The following AOPEP variants were observed in gnomAD, a reference collection of about 807,000 sequenced individuals.
The protein encoded by AOPEP is aminopeptidase O.
A neutral mutation model predicts 98.1 loss-of-function variants in AOPEP; 77 were observed. The ratio of observed to expected loss-of-function variants is 0.78; its 90% CI spans 0.65 to 0.95. The LOEUF (loss-of-function observed/expected upper bound fraction) is 0.95, where lower values mean the gene tolerates loss of function less well. Among genes scored for constraint, AOPEP ranks in the 40% least tolerant of loss-of-function variants. The pLI is 0.00. For synonymous variants in AOPEP, 346 were observed against 365.3 expected (o/e 0.95, Z 0.60); for missense variants, 1,024 against 1,024.7 (o/e 1.00, Z 0.01).
At chr9:94,927,498 G>A (rs966995748) in intron 6 of AOPEP, among the ~76,000 whole-genome samples, 2 of 152,090 alleles carry the variant, frequency 1.3e-5, no homozygotes, top group Admixed American at 6.5e-5. Flanking sequence ...CTGGCCCGAC[G>A]TGCCTTGCAA....
At chr9:94,906,572 G>A (rs915830391) in intron 5 of AOPEP, among the ~76,000 whole-genome samples, 1 of 152,044 alleles carries the variant, frequency 6.6e-6, no homozygotes, top group African/African-American at 2.4e-5. Context: ...GGATGCTGAG[G>A]TAGGAGGATT....
At chr9:95,131,482 C>G in the AOPEP span, among the ~76,000 whole-genome samples, 2 of 152,204 alleles carry the variant, frequency 1.3e-5, no homozygotes, top group Non-Finnish European at 2.9e-5. Context: ...CAAGGAAACT[C>G]GCAACGTGGG....
intron 1 of AOPEP, among the ~76,000 whole-genome samples, chr9:94,746,920 G>T (rs1178133952): frequency 6.6e-6 from 1 of 152,056 alleles, no homozygotes; most frequent in Non-Finnish European, 1.5e-5. Context: ...AGCCACAACT[G>T]ACAGTGATTT....
At chr9:95,100,699 C>T in the AOPEP span, 13 of 228,378 alleles carry the variant, frequency 5.7e-5, no homozygotes, top group African/African-American at 1.8e-4. Flanking sequence ...GTCATGATCT[C>T]GGCTCACTAC....
At chr9:94,757,539 A>G (rs968975965) in intron 1 of AOPEP, among the ~76,000 whole-genome samples, 3 of 152,240 alleles carry the variant, frequency 2.0e-5, no homozygotes, top group African/African-American at 7.2e-5. Context: ...CACCAGAAAC[A>G]AAAGTGGTGA....
chr9:94,834,153 C>T (rs772863955), intron 5 of AOPEP, among the ~76,000 whole-genome samples: 4 of 152,120 alleles, frequency 2.6e-5, no homozygotes, highest in Non-Finnish European at 5.9e-5. Flanking sequence ...TATCTGCTTA[C>T]CAATTTACAG....
chr9:94,986,489 T>C (rs2060526157), intron 11 of AOPEP, among the ~76,000 whole-genome samples: 1 of 152,214 alleles, frequency 6.6e-6, no homozygotes, highest in African/African-American at 2.4e-5. Context: ...GAATGGCCAA[T>C]AAAAATTACT....
chr9:94,930,119 C>T lies in AOPEP; in HGVS notation c.1661+1588C>T, dbSNP rs12339912. Among the ~76,000 whole-genome samples the T allele has an allele frequency of 2.0e-4, 31 of 152,238 alleles. No homozygotes were observed. Among genetic ancestry groups the T allele is most frequent in the African/African-American group, 7.2e-4 (30 of 41,542 alleles). ...CTGTGTGGAGAGCACCACAGGCAGC[C>T]GACGGAAAGCCAGGAGAACGGTTGC... On this transcript the variant is annotated intron_variant, in intron 7 of 16. Transcript: ENST00000375315. The surrounding 1 kb of genome is among the most constrained non-coding windows in gnomAD (Gnocchi z 4.5).
intron 13 of AOPEP, among the ~76,000 whole-genome samples, chr9:95,058,299 C>G (rs941018098): frequency 9.9e-5 from 15 of 151,416 alleles, no homozygotes; most frequent in Admixed American, 5.3e-4. Context: ...TAGTTTAGAC[C>G]AAATCCCAAA....
At chr9:95,138,038 GAGGAGT>G in the AOPEP span, among the ~76,000 whole-genome samples, 1 of 152,386 alleles carries the variant, frequency 6.6e-6, no homozygotes, top group Admixed American at 6.5e-5. Context: ...GCAAGGCGCA[GAGGAGT>G]GGGAAAGGCT....
At chr9:95,009,454 C>T (rs1384579975) in intron 13 of AOPEP, among the ~76,000 whole-genome samples, 1 of 152,088 alleles carries the variant, frequency 6.6e-6, no homozygotes, top group Non-Finnish European at 1.5e-5. Flanking sequence ...AAAGGAAGCA[C>T]CCTTCCTAGT....
At chr9:94,897,751 C>T (rs2049772768) in intron 5 of AOPEP, among the ~76,000 whole-genome samples, 1 of 151,938 alleles carries the variant, frequency 6.6e-6, no homozygotes, top group Non-Finnish European at 1.5e-5. Flanking sequence ...AATGAAACTG[C>T]CATTCTCATT....
At chr9:94,797,112 A>G (rs185402139) in intron 4 of AOPEP, among the ~76,000 whole-genome samples, 2 of 152,204 alleles carry the variant, frequency 1.3e-5, no homozygotes, top group African/African-American at 4.8e-5. Flanking sequence ...GTCGGTGCTG[A>G]ATCTATGGAA....
intron 13 of AOPEP, among the ~76,000 whole-genome samples, chr9:95,020,747 G>A (rs1004929746): frequency 5.3e-5 from 8 of 151,680 alleles, no homozygotes; most frequent in Admixed American, 6.6e-5. Flanking sequence ...GTGAAACCCC[G>A]TCTCTACTAA....
Position 94,967,745 on chromosome 9 carries a change from T to C in AOPEP, c.1873-13T>C. ...GATGGACATCTTTAATGATTTGCTTTTTTTAATCCCAGGATTTCCTTCAAA... is the reference window on the plus strand; with the variant it reads ...GATGGACATCTTTAATGATTTGCTTCTTTTAATCCCAGGATTTCCTTCAAA... On this transcript the variant is annotated splice_polypyrimidine_tract_variant and intron_variant, in intron 9 of 16. Coordinates refer to ENST00000375315, the MANE Select transcript of AOPEP (RefSeq NM_001193329.3). 1 of 1,611,782 alleles carries C rather than the reference T, an allele frequency of 6.2e-7. No homozygotes were observed. Among genetic ancestry groups the C allele is most frequent in the Non-Finnish European group, 8.5e-7 (1 of 1,177,838 alleles).
chr9:95,010,637 C>A (rs1329428302), intron 13 of AOPEP, among the ~76,000 whole-genome samples: 1 of 152,206 alleles, frequency 6.6e-6, no homozygotes, highest in Non-Finnish European at 1.5e-5. Flanking sequence ...TAATCTCTTA[C>A]AATAGCTTCA....
the AOPEP span, chr9:95,111,698 T>G: frequency 6.2e-7 from 1 of 1,601,872 alleles, no homozygotes; most frequent in South Asian, 1.1e-5. Context: ...TTTGGGTTTT[T>G]AAAGCAACTT....
intron 7 of AOPEP, chr9:94,932,356 A>G (rs1410784737): frequency 2.2e-6 from 2 of 918,610 alleles, no homozygotes; most frequent in African/African-American, 1.8e-5. Flanking sequence ...GAAAAACTAA[A>G]ATTTTGTTTG....
the AOPEP span, among the ~76,000 whole-genome samples, chr9:95,104,673 T>C: frequency 1.3e-5 from 2 of 152,136 alleles, no homozygotes; most frequent in South Asian, 2.1e-4. Flanking sequence ...GAGACCTGGG[T>C]GTCTCTAGGG....
Sources: allele counts gnomAD v4.1 joint callset (sites outside exome capture counted in the v4.1 genomes callset), GRCh38; gene constraint gnomAD v4.1.1; non-coding constraint Gnocchi (gnomAD v3.1); transcripts MANE v1.5; gene names NCBI Gene and HGNC (gene_info 2026-07-23, HGNC 2026-07-21).